The following CLIP2 variants were observed in gnomAD, a reference collection of about 807,000 sequenced individuals.
The protein encoded by CLIP2 is CAP-Gly domain containing linker protein 2, also known as CAP-Gly domain-containing linker protein 2.
Under a neutral mutation model 111.7 loss-of-function variants are expected in CLIP2, and 41 were observed. The observed-to-expected ratio is 0.37, with a 90% CI of 0.29 to 0.48. The LOEUF is 0.48. Ranked by LOEUF, CLIP2 falls within the 20% of genes least tolerant of loss-of-function variation. The probability of loss-of-function intolerance (pLI) is 0.99; values close to 1 mark genes in which losing one functional copy is unlikely to be tolerated. For synonymous variants in CLIP2, 660 were observed against 644.2 expected (o/e 1.02, Z -0.37); for missense variants, 1,160 against 1,422.1 (o/e 0.82, Z 2.96).
In CLIP2 at chr7:74,356,572, C is replaced by T. The variant is rs141535863; in HGVS notation, c.966C>T (p.Ser322=). ...GTCCCAGCAGTTCCTCCATCAGCTCCGTCAGCTCTGTGGCCTCCTCCGTGG... is the reference window on the plus strand; with the variant it reads ...GTCCCAGCAGTTCCTCCATCAGCTCTGTCAGCTCTGTGGCCTCCTCCGTGG... The part of the protein sequence containing the change: ...THSPSSSSIS[S]VSSVASSVGG... The change falls in exon 5 of 17, where the codon TCC becomes TCT. Residue 322 remains serine (S), a synonymous_variant. Transcript: ENST00000223398. 3.7e-5 allele frequency: 60 copies of T among 1,614,096 alleles called. No individual in the cohort carries two copies. The highest frequency in any genetic ancestry group is 1.3e-4 in the Admixed American group (8 of 59,998).
intron 1 of CLIP2, among the ~76,000 whole-genome samples, chr7:74,313,683 G>A (rs1168081156): frequency 2.3e-5 from 3 of 127,860 alleles, no homozygotes; most frequent in Non-Finnish European, 5.4e-5. Context: ...TCTCCCATGC[G>A]GTAACCAGGA....
chr7:74,377,721 G>A lies in CLIP2; in HGVS notation c.2421+899G>A, dbSNP rs537554613. ...ATTCCCTGTGGGGCTGACAGAGAGTGCCCAAGACAACAGGAATTAATTCAT... is the reference window on the plus strand; with the variant it reads ...ATTCCCTGTGGGGCTGACAGAGAGTACCCAAGACAACAGGAATTAATTCAT... On this transcript the variant is annotated intron_variant, in intron 10 of 16. Transcript: ENST00000223398. 4.6e-5 allele frequency among the ~76,000 whole-genome samples: 7 copies of A among 152,294 alleles called. No individual in the cohort carries two copies. The South Asian group carries it at 1.2e-3, about 27-fold the overall frequency.
intron 7 of CLIP2, among the ~76,000 whole-genome samples, chr7:74,361,126 C>A (rs1790314552): frequency 6.8e-6 from 1 of 147,256 alleles, no homozygotes; most frequent in Admixed American, 6.8e-5. Flanking sequence ...CTCCCTCCCT[C>A]CCTCCATTCA....
intron 2 of CLIP2, among the ~76,000 whole-genome samples, chr7:74,322,630 C>G (rs1554730166): frequency 4.6e-5 from 7 of 151,964 alleles, no homozygotes; most frequent in African/African-American, 1.7e-4. Context: ...GATGCACCTC[C>G]TGGCCTCAAG....
In CLIP2 at chr7:74,343,194, A is replaced by T. The variant is rs1789708119; in HGVS notation, c.678+4190A>T. Among the ~76,000 whole-genome samples the T allele has an allele frequency of 2.0e-5, 3 of 151,970 alleles. No homozygotes were observed. In the South Asian group the frequency reaches 6.2e-4, roughly 32 times the overall value. Reference sequence around the variant, plus strand: ...CAGAGCAAGACTCCGTCTCAAAAAAAAAAACAAGAAAAAAACCCAGAGTGG... The same window carrying T: ...CAGAGCAAGACTCCGTCTCAAAAAATAAAACAAGAAAAAAACCCAGAGTGG... On this transcript the variant is annotated intron_variant, in intron 3 of 16. Transcript: ENST00000223398.
chr7:74,358,861 G>A (rs984700231), intron 6 of CLIP2, among the ~76,000 whole-genome samples: 5 of 152,070 alleles, frequency 3.3e-5, no homozygotes, highest in Admixed American at 6.6e-5. Flanking sequence ...ATAAGCCATC[G>A]TGCCCCACCT....
At chr7:74,373,944 G>A (rs548017453) in intron 9 of CLIP2, among the ~76,000 whole-genome samples, 9 of 152,208 alleles carry the variant, frequency 5.9e-5, no homozygotes, top group African/African-American at 1.9e-4. Flanking sequence ...CTGGAGCCAT[G>A]GAACAGCTCT....
intron 13 of CLIP2, among the ~76,000 whole-genome samples, chr7:74,393,259 C>T (rs577949414): frequency 6.3e-4 from 95 of 151,956 alleles, no homozygotes; most frequent in African/African-American, 2.1e-3. Flanking sequence ...AACTCCTAAC[C>T]TCAAGTGATC....
At chr7:74,391,690 C>T (rs1791296145) in intron 13 of CLIP2, among the ~76,000 whole-genome samples, 1 of 151,850 alleles carries the variant, frequency 6.6e-6, no homozygotes, top group Admixed American at 6.6e-5. Flanking sequence ...CATGGTGGCA[C>T]ACACCTGTAG....
chr7:74,346,439 G>A (rs1210480596), intron 3 of CLIP2, among the ~76,000 whole-genome samples: 1 of 152,176 alleles, frequency 6.6e-6, no homozygotes, highest in African/African-American at 2.4e-5. Context: ...AAAAGTCTTT[G>A]CATCTGGGCA....
chr7:74,356,870 G>T (rs1790162990), intron 5 of CLIP2, among the ~76,000 whole-genome samples: 1 of 152,166 alleles, frequency 6.6e-6, no homozygotes, highest in South Asian at 2.1e-4. Flanking sequence ...TTATACAGAT[G>T]CAGGGCAGGG....
chr7:74,382,169 C>T (rs1315489344), intron 11 of CLIP2, among the ~76,000 whole-genome samples: 15 of 151,956 alleles, frequency 9.9e-5, no homozygotes, highest in South Asian at 2.1e-4. Context: ...CTGCAACCTC[C>T]GCCTCCCAGG....
chr7:74,391,810 ACT>A (rs1410334912), intron 13 of CLIP2, among the ~76,000 whole-genome samples: 19 of 151,862 alleles, frequency 1.3e-4, no homozygotes, highest in African/African-American at 4.6e-4. Flanking sequence ...ATAGAGTGAG[ACT>A]CTGTCTCAAA....
intron 14 of CLIP2, among the ~76,000 whole-genome samples, chr7:74,399,561 AC>A (rs1791560886): frequency 1.4e-5 from 1 of 68,984 alleles, no homozygotes; most frequent in Non-Finnish European, 3.1e-5. Context: ...GGGGGTGGGG[AC>A]CAAGTCTCAC....
At chr7:74,306,381 G>A (rs1321851567) in intron 1 of CLIP2, among the ~76,000 whole-genome samples, 4 of 152,256 alleles carry the variant, frequency 2.6e-5, no homozygotes, top group Admixed American at 6.5e-5. Context: ...ACCCACCCCA[G>A]CCAGCAGCAG....
chr7:74,301,669 G>A (rs1788339129), intron 1 of CLIP2, among the ~76,000 whole-genome samples: 1 of 151,700 alleles, frequency 6.6e-6, no homozygotes, highest in African/African-American at 2.4e-5. Flanking sequence ...TGGGATTACA[G>A]GCGTGAGCCA....
rs1791695431 is a variant in CLIP2, at chr7:74,403,956, CAG to C, written c.*109_*110del. ...CGGGACTGTCACTTTGGAGACAAAACAGTGTTTGTAACAATAACGTACTCACC... is the reference window on the plus strand; with the variant it reads ...CGGGACTGTCACTTTGGAGACAAAACTGTTTGTAACAATAACGTACTCACC... On this transcript the variant is annotated 3_prime_UTR_variant, in exon 17 of 17. Transcript: ENST00000223398. 1 of 1,250,450 alleles carries C rather than the reference CAG, an allele frequency of 8.0e-7. No homozygotes were observed. Among genetic ancestry groups the C allele is most frequent in the Non-Finnish European group, 1.2e-6 (1 of 858,796 alleles). The allele number at this position is 1,250,450 out of a possible 1,614,324, so 77.5% of individuals were successfully genotyped here. A position where few individuals can be genotyped will look rare whatever the true frequency, so the allele number is the denominator to read the frequency against.
intron 9 of CLIP2, 127 bp downstream of exon 9, chr7:74,373,163 A>T: frequency 1.6e-6 from 1 of 629,004 alleles, no homozygotes; most frequent in South Asian, 2.0e-5. Context: ...TTTATTTTTT[A>T]TTTTTGCATC....
At chr7:74,327,781 G>A (rs981413618) in intron 2 of CLIP2, among the ~76,000 whole-genome samples, 9 of 152,170 alleles carry the variant, frequency 5.9e-5, no homozygotes, top group African/African-American at 1.7e-4. Context: ...TCGATCTGAC[G>A]GGGCGGGGGT....
Sources: allele counts gnomAD v4.1 joint callset (sites outside exome capture counted in the v4.1 genomes callset), GRCh38; gene constraint gnomAD v4.1.1; transcripts MANE v1.5; gene names NCBI Gene and HGNC (gene_info 2026-07-23, HGNC 2026-07-21).